The following EZR variants were observed in gnomAD, a reference collection of about 807,000 sequenced individuals.
EZR encodes the protein ezrin, also known as cytovillin 2.
Under a neutral mutation model 74.8 loss-of-function variants are expected in EZR, and 40 were observed. The ratio of observed to expected loss-of-function variants is 0.53; its 90% CI spans 0.42 to 0.70. The LOEUF is 0.70. Ranked by LOEUF, EZR falls within the 30% of genes least tolerant of loss-of-function variation. EZR has a pLI of 0.00. For missense variants in EZR, 678 were observed against 755.8 expected (o/e 0.90, Z 1.21); for synonymous variants, 341 against 283.3 (o/e 1.20, Z -2.05).
intron 2 of EZR, among the ~76,000 whole-genome samples, chr6:158,791,513 T>C (rs565924267): frequency 5.3e-5 from 8 of 152,054 alleles, no homozygotes; most frequent in Admixed American, 3.9e-4. Flanking sequence ...AAGCCAACAA[T>C]GACATAACAC....
At chr6:158,795,346 G>C (rs1777044894) in intron 2 of EZR, among the ~76,000 whole-genome samples, 1 of 152,134 alleles carries the variant, frequency 6.6e-6, no homozygotes, top group Non-Finnish European at 1.5e-5. Flanking sequence ...AGCCAAGGCA[G>C]GAGGATCTCA....
chr6:158,776,556 A>G, intron 7 of EZR, 52 bp from the exon 8 acceptor site: 1 of 1,315,378 alleles, frequency 7.6e-7, no homozygotes, highest in South Asian at 1.3e-5. Flanking sequence ...ATGTTCTTGG[A>G]TTGGCTAAGA....
At chr6:158,770,622 C>G (rs1791072747) in intron 10 of EZR, 142 bp downstream of exon 10, 1 of 914,566 alleles carries the variant, frequency 1.1e-6, no homozygotes. Context: ...ACCAAATAAC[C>G]ATTTTATCAT....
intron 8 of EZR, among the ~76,000 whole-genome samples, chr6:158,773,332 G>T (rs951896139): frequency 2.0e-5 from 3 of 152,220 alleles, no homozygotes; most frequent in Non-Finnish European, 2.9e-5. Flanking sequence ...GGTGAGGGAG[G>T]ATGGTGCCTG....
rs112306342 is a variant in EZR at position 158,779,301 on chromosome 6, A to C, written c.699-2797T>G. Among the ~76,000 whole-genome samples, 931 of 152,346 alleles carry C rather than the reference A, an allele frequency of 6.1e-3. 6 individuals are homozygous for C. The highest frequency in any genetic ancestry group is 0.021 in the African/African-American group (887 of 41,580). On this transcript the variant is annotated intron_variant, in intron 7 of 13. Transcript: ENST00000367075. ...AAAATACCAAGGTCATGACAAAAAA[A>C]GACTGGAACTATCCCACATCGAAGG...
chr6:158,771,176 A>G (rs1408083440), intron 9 of EZR, 68 bp downstream of exon 9: 8 of 1,462,916 alleles, frequency 5.5e-6, no homozygotes, highest in African/African-American at 3.6e-5. Flanking sequence ...GTCACCTGAC[A>G]GGCACTGGCT....
At chr6:158,789,951 T>C (rs1791690612) in intron 2 of EZR, among the ~76,000 whole-genome samples, 1 of 152,184 alleles carries the variant, frequency 6.6e-6, no homozygotes, top group African/African-American at 2.4e-5. Flanking sequence ...GTTAAAACAA[T>C]ACTTTAACCT....
chr6:158,780,862 T>C (rs543329303), intron 7 of EZR, among the ~76,000 whole-genome samples: 26 of 152,336 alleles, frequency 1.7e-4, no homozygotes, highest in African/African-American at 6.3e-4. Context: ...GCCCTCTTTA[T>C]ACTCCCACCT....
At chr6:158,767,815 C>T (rs184519741) in intron 12 of EZR, among the ~76,000 whole-genome samples, 5 of 152,198 alleles carry the variant, frequency 3.3e-5, no homozygotes, top group African/African-American at 4.8e-5. Flanking sequence ...GCATGAGTAA[C>T]GGGCTCTGTT....
At chr6:158,783,149 C>T (rs1382905812) in intron 7 of EZR, among the ~76,000 whole-genome samples, 1 of 152,036 alleles carries the variant, frequency 6.6e-6, no homozygotes, top group East Asian at 1.9e-4. Flanking sequence ...GCACAAACCT[C>T]GAGCCAGGAG....
chr6:158,770,674 C>T (rs2128565891), intron 10 of EZR, 90 bp downstream of exon 10: 1 of 1,500,830 alleles, frequency 6.7e-7, no homozygotes, highest in Non-Finnish European at 9.1e-7. Context: ...TCTTGGTTTC[C>T]TTCCTGGTGA....
Position 158,767,393 on chromosome 6 carries a change from G to C in EZR, c.1464C>G (p.Ser488Arg), listed in dbSNP as rs568900289. Residue 488 changes from serine to arginine, a missense_variant, in exon 13 of 14, where the codon AGC becomes AGG. Physicochemically the swap from Ser to Arg is moderately radical, Grantham distance 110. Coordinates refer to ENST00000367075, the MANE Select transcript of EZR (RefSeq NM_001111077.2). ...YEPVSYHVQESLQDEGAEPTG... is the reference protein window; with the variant it reads ...YEPVSYHVQERLQDEGAEPTG... Reference sequence around the variant, plus strand: ...TGGGCTCTGCGCCCTCATCCTGCAAGCTCTCCTGGACATGGTAGCTCACCG... The same window carrying C: ...TGGGCTCTGCGCCCTCATCCTGCAACCTCTCCTGGACATGGTAGCTCACCG... 6 of 1,613,696 alleles carry C rather than the reference G, an allele frequency of 3.7e-6. No homozygotes were observed. The highest frequency in any genetic ancestry group is 1.3e-5 in the African/African-American group (1 of 74,814).
chr6:158,778,579 G>A (rs1487926378), intron 7 of EZR, among the ~76,000 whole-genome samples: 1 of 152,188 alleles, frequency 6.6e-6, no homozygotes, highest in Admixed American at 6.5e-5. Flanking sequence ...GGGTTTATAA[G>A]TGTCCTTGCT....
intron 2 of EZR, among the ~76,000 whole-genome samples, chr6:158,795,322 G>A (rs539022742): frequency 1.3e-5 from 2 of 151,636 alleles, no homozygotes; most frequent in Admixed American, 6.6e-5. Flanking sequence ...GCCTGTAATC[G>A]CAGGACTTTG....
chr6:158,770,915 C>G, intron 9 of EZR, 21 bp from the exon 10 acceptor site: 1 of 1,614,150 alleles, frequency 6.2e-7, no homozygotes. Context: ...GAAAAAGAGG[C>G]ACAGGGAGAT....
chr6:158,814,046 G>C (rs1247795790), intron 2 of EZR, among the ~76,000 whole-genome samples: 1 of 152,240 alleles, frequency 6.6e-6, no homozygotes, highest in South Asian at 2.1e-4. Flanking sequence ...CGGGACCAAT[G>C]ATCTGAGCAC....
rs1023428345 is a variant in EZR, at chr6:158,781,455, C to T, written c.698+2065G>A. On this transcript the variant is annotated intron_variant, in intron 7 of 13. Transcript: ENST00000367075. ...CAAAAACAGCACTAAATAGGGCACA[C>T]AGCTCACGTTTTTACTTGGAAGAAA... Among the ~76,000 whole-genome samples the T allele has an allele frequency of 5.9e-5, 9 of 152,316 alleles. No individual in the cohort carries two copies. In the East Asian group the frequency reaches 9.6e-4, roughly 16 times the overall value.
rs1562487890 is a variant in EZR at position 158,767,311 on chromosome 6, T to C, written c.1546A>G (p.Lys516Glu). 2 of 1,614,132 alleles carry C rather than the reference T, an allele frequency of 1.2e-6. No homozygotes were observed. Among genetic ancestry groups the C allele is most frequent in the South Asian group, 1.1e-5 (1 of 91,078 alleles). Residue 516 changes from lysine to glutamate, a missense_variant, in exon 13 of 14, where the codon AAG (lysine) becomes GAG (glutamate). Transcript: ENST00000367075. ...TTCTTCTCTGCCTCAGTGATGCGCTTCTCCTCATTGCGGTCATCCCGGATG... is the reference window on the plus strand; with the variant it reads ...TTCTTCTCTGCCTCAGTGATGCGCTCCTCCTCATTGCGGTCATCCCGGATG... The part of the protein sequence containing the change: ...EGIRDDRNEE[K>E]RITEAEKNER...
chr6:158,785,647 C>G (rs766210576), intron 4 of EZR, 64 bp from the exon 5 acceptor site: 40 of 1,587,816 alleles, frequency 2.5e-5, no homozygotes, highest in Non-Finnish European at 3.4e-6. Flanking sequence ...GTCCCCAACA[C>G]AGGCTTCTAA....
Sources: gnomAD v4.1 joint callset for allele counts (sites outside exome capture counted in the v4.1 genomes callset) on GRCh38, gnomAD v4.1.1 for gene constraint, MANE v1.5 for transcripts, NCBI Gene and HGNC (gene_info 2026-07-23, HGNC 2026-07-21) for gene names.